The following CADM2 variants were observed in gnomAD, a reference collection of about 807,000 sequenced individuals.
The protein encoded by CADM2 is immunoglobulin superfamily member 4D.
CADM2 carries 12 observed loss-of-function variants against 49.8 expected under a neutral mutation model. The observed-to-expected ratio is 0.24, with a 90% CI of 0.15 to 0.39. The LOEUF is 0.39. CADM2 is among the 10% of genes least tolerant of loss of function. The pLI, the probability that CADM2 is intolerant of heterozygous loss-of-function variation, is 1.00. For missense variants in CADM2, 378 were observed against 492.3 expected (o/e 0.77, Z 2.20); for synonymous variants, 214 against 175.4 (o/e 1.22, Z -1.74).
intron 1 of CADM2, among the ~76,000 whole-genome samples, chr3:85,441,701 C>A (rs915374714): frequency 6.6e-6 from 1 of 151,966 alleles, no homozygotes; most frequent in African/African-American, 2.4e-5. Context: ...GAAATGTCTT[C>A]CTTGTAGAAA....
chr3:85,846,426 A>G (rs2074882466), intron 3 of CADM2, among the ~76,000 whole-genome samples: 1 of 152,154 alleles, frequency 6.6e-6, no homozygotes, highest in South Asian at 2.1e-4. Flanking sequence ...AATTTCTTAT[A>G]TGCCAATTCC....
chr3:85,577,428 C>T (rs1422972159), intron 1 of CADM2, among the ~76,000 whole-genome samples: 1 of 152,118 alleles, frequency 6.6e-6, no homozygotes, highest in African/African-American at 2.4e-5. Flanking sequence ...CCCCGTTGCT[C>T]TCTCGCACGT....
At chr3:85,276,563 T>A (rs2043361837) in intron 1 of CADM2, among the ~76,000 whole-genome samples, 1 of 151,354 alleles carries the variant, frequency 6.6e-6, no homozygotes, top group Non-Finnish European at 1.5e-5. Context: ...CAAAACATAA[T>A]GGTTTGTTTA....
intron 1 of CADM2, among the ~76,000 whole-genome samples, chr3:85,384,531 C>T (rs1257150231): frequency 1.3e-5 from 2 of 152,054 alleles, no homozygotes; most frequent in East Asian, 3.9e-4. Context: ...CCAGGCTCCT[C>T]TGAAAGTCCT....
intron 8 of CADM2, among the ~76,000 whole-genome samples, chr3:86,018,703 C>T (rs1487918732): frequency 3.0e-4 from 45 of 152,188 alleles, no homozygotes; most frequent in Admixed American, 5.2e-4. Flanking sequence ...TCATGTCCTT[C>T]GCCCACTTTT....
At chr3:85,062,117 G>A (rs566137799) in intron 1 of CADM2, among the ~76,000 whole-genome samples, 1 of 149,726 alleles carries the variant, frequency 6.7e-6, no homozygotes, top group East Asian at 2.0e-4. Flanking sequence ...CACACACACG[G>A]AAACTCTATA....
chr3:85,017,990 T>G (rs2034326418), intron 1 of CADM2, among the ~76,000 whole-genome samples: 1 of 152,204 alleles, frequency 6.6e-6, no homozygotes, highest in Non-Finnish European at 1.5e-5. Flanking sequence ...AATGGCCATA[T>G]TTGATTACAT....
intron 1 of CADM2, among the ~76,000 whole-genome samples, chr3:85,075,844 A>G (rs2036921226): frequency 6.6e-6 from 1 of 152,208 alleles, no homozygotes; most frequent in Non-Finnish European, 1.5e-5. Flanking sequence ...AAAATTCGTT[A>G]CATTCTTGAG....
chr3:85,652,728 A>ATG (rs2065078936), intron 1 of CADM2, among the ~76,000 whole-genome samples: 1 of 149,078 alleles, frequency 6.7e-6, no homozygotes, highest in South Asian at 2.1e-4. Flanking sequence ...TATTTCCCAA[A>ATG]TGCCAATGTG....
At chr3:85,652,767 C>CTTTTTTTTTTTTTTTTTTTTTT (rs2065081963) in intron 1 of CADM2, among the ~76,000 whole-genome samples, 2 of 56,434 alleles carry the variant, frequency 3.5e-5, no homozygotes, top group Non-Finnish European at 7.4e-5. Flanking sequence ...ATCTTTTTTT[C>CTTTTTTTTTTTTTTTTTTTTTT]TTTTCTTTTT....
At chr3:85,206,368 C>T (rs556855123) in intron 1 of CADM2, among the ~76,000 whole-genome samples, 7 of 145,426 alleles carry the variant, frequency 4.8e-5, no homozygotes, top group African/African-American at 7.7e-5. Flanking sequence ...AGTGCAGTGG[C>T]GCAATCTCGA....
At chr3:85,628,930 G>A (rs2064218180) in intron 1 of CADM2, among the ~76,000 whole-genome samples, 1 of 151,230 alleles carries the variant, frequency 6.6e-6, no homozygotes, top group African/African-American at 2.4e-5. Flanking sequence ...GTCTAGAATT[G>A]TTCTAGTGTC....
intron 1 of CADM2, among the ~76,000 whole-genome samples, chr3:85,024,139 A>G (rs933700072): frequency 2.0e-5 from 3 of 152,130 alleles, no homozygotes; most frequent in Admixed American, 6.5e-5. Flanking sequence ...GGAGTGAAAC[A>G]TGTTTTTGCT....
At chr3:85,273,342 C>A (rs1460935684) in intron 1 of CADM2, among the ~76,000 whole-genome samples, 1 of 151,160 alleles carries the variant, frequency 6.6e-6, no homozygotes, top group Admixed American at 6.6e-5. Flanking sequence ...AGAAGAGGAA[C>A]ATGACTTAGT....
chr3:84,978,288 T>C (rs1046588809), intron 1 of CADM2, among the ~76,000 whole-genome samples: 3 of 152,176 alleles, frequency 2.0e-5, no homozygotes, highest in Admixed American at 6.6e-5. Flanking sequence ...CTTCCACTTC[T>C]AGAATATTTT....
intron 1 of CADM2, among the ~76,000 whole-genome samples, chr3:85,208,073 A>G (rs550271152): frequency 6.6e-6 from 1 of 152,296 alleles, no homozygotes; most frequent in South Asian, 2.1e-4. Flanking sequence ...ACACTGTATG[A>G]TGATGCAAAT....
At chr3:85,174,591 G>GT (rs1294721653) in intron 1 of CADM2, among the ~76,000 whole-genome samples, 2 of 151,546 alleles carry the variant, frequency 1.3e-5, no homozygotes, top group African/African-American at 4.8e-5. Context: ...TAGGGTGACC[G>GT]TAAGGAAAAC....
rs114197785 is a variant in CADM2 at position 85,007,244 on chromosome 3, G to A, written c.61+47576G>A. On this transcript the variant is annotated intron_variant, in intron 1 of 9. Coordinates refer to ENST00000383699, the MANE Select transcript of CADM2 (RefSeq NM_001167675.2). ...TTGTAGTGATGCAAAGATTAATATG[G>A]CAGTCTATCTTATTTAAGAATTTAC... Among the ~76,000 whole-genome samples the A allele has an allele frequency of 6.1e-3, 934 of 152,184 alleles. 16 individuals are homozygous for A. Among genetic ancestry groups the A allele is most frequent in the African/African-American group, 0.022 (894 of 41,544 alleles).
chr3:85,345,923 G>A (rs1053894284), intron 1 of CADM2, among the ~76,000 whole-genome samples: 14 of 152,170 alleles, frequency 9.2e-5, no homozygotes, highest in Admixed American at 2.0e-4. Flanking sequence ...ATTGTTCAGA[G>A]GCAACAATAA....
Sources: allele counts gnomAD v4.1 joint callset (sites outside exome capture counted in the v4.1 genomes callset), GRCh38; gene constraint gnomAD v4.1.1; transcripts MANE v1.5; gene names NCBI Gene and HGNC (gene_info 2026-07-23, HGNC 2026-07-21).